ZNF674: variants seen among roughly 807,000 people sequenced by gnomAD.
The protein encoded by ZNF674 is zinc finger protein 674.
A neutral mutation model predicts 7.0 loss-of-function variants in ZNF674; 2 were observed. The observed-to-expected ratio is 0.29, with a 90% CI of 0.12 to 0.90. The LOEUF is 0.90. Among genes scored for constraint, ZNF674 ranks in the 40% least tolerant of loss-of-function variants. ZNF674 has a pLI of 0.57. For missense variants in ZNF674, 297 were observed against 415.5 expected, an observed-to-expected ratio of 0.71 and a Z score of 2.48; for synonymous variants, 103 against 145.2, an observed-to-expected ratio of 0.71 and a Z score of 2.09.
intron 5 of ZNF674, among the ~76,000 whole-genome samples, chrX:46,510,526 C>T (rs189924804): frequency 9.6e-4 from 108 of 112,247 alleles, no homozygotes; most frequent in Middle Eastern, 4.6e-3. Context: ...TGGTGGCTCA[C>T]GCCTGTAATC....
intron 5 of ZNF674, among the ~76,000 whole-genome samples, chrX:46,510,151 AG>A (rs1259087294): frequency 5.0e-5 from 2 of 39,753 alleles, no homozygotes; most frequent in Non-Finnish European, 8.4e-5. Flanking sequence ...GGGTGGGGGG[AG>A]GGGGGAGGGA....
chrX:46,516,981 G>A (rs1452882242), intron 5 of ZNF674, among the ~76,000 whole-genome samples: 5 of 107,904 alleles, frequency 4.6e-5, no homozygotes, highest in Non-Finnish European at 9.6e-5. Context: ...TCCAGCCTGG[G>A]CAACAGAGTG....
chrX:46,501,662 A>ATATGTGTGTGTGTG (rs1556008912), intron 5 of ZNF674, among the ~76,000 whole-genome samples: 1 of 102,349 alleles, frequency 9.8e-6, no homozygotes, highest in African/African-American at 3.5e-5. Context: ...TTGTATATAT[A>ATATGTGTGTGTGTG]TGTGTGTGTG....
rs190767592 is a variant in ZNF674, at chrX:46,500,755, C to T, written c.819G>A (p.Lys273=). The T allele has an allele frequency of 2.5e-6, 3 of 1,200,944 alleles. No homozygotes were observed. Among genetic ancestry groups the T allele is most frequent in the African/African-American group, 3.5e-5 (2 of 56,719 alleles). ...IAHQRTHTGE[K]PYECSECGKT... Reference sequence around the variant, plus strand: ...TTCCACATTCACTGCATTCATAGGGCTTCTCCCCTGTGTGAGTTCTCTGGT... The same window carrying T: ...TTCCACATTCACTGCATTCATAGGGTTTCTCCCCTGTGTGAGTTCTCTGGT... The change falls in exon 6 of 6, where the codon AAG becomes AAA. Residue 273 remains lysine, a synonymous_variant. Coordinates refer to ENST00000683375, the MANE Select transcript of ZNF674 (RefSeq NM_001190417.2).
intron 5 of ZNF674, among the ~76,000 whole-genome samples, chrX:46,526,400 T>C (rs907829724): frequency 1.8e-5 from 2 of 110,841 alleles, no homozygotes; most frequent in Admixed American, 9.7e-5. Context: ...CACCTCAACC[T>C]CCCAAGTAGT....
chrX:46,520,082 G>A (rs191968348), intron 5 of ZNF674, among the ~76,000 whole-genome samples: 2 of 112,083 alleles, frequency 1.8e-5, no homozygotes, highest in African/African-American at 6.5e-5. Flanking sequence ...AAGAGGAGAT[G>A]GGCTGGGAGA....
chrX:46,519,255 T>TAA (rs1198982466), intron 5 of ZNF674, among the ~76,000 whole-genome samples: 985 of 73,064 alleles, frequency 0.013, 3 homozygotes, highest in African/African-American at 0.029. Flanking sequence ...GATAGATAGA[T>TAA]AGATAGATAA....
chrX:46,529,242 C>T, intron 3 of ZNF674: 1 of 262,552 alleles, frequency 3.8e-6, no homozygotes, highest in Non-Finnish European at 6.8e-6. Context: ...GAGTATATGA[C>T]TAAAATCATT....
intron 4 of ZNF674, 124 bp from the exon 5 acceptor site, chrX:46,528,569 C>T (rs763792111): frequency 2.1e-6 from 2 of 941,601 alleles, no homozygotes; most frequent in East Asian, 3.2e-5. Context: ...AGCTATCTGC[C>T]CCTCAGTACA....
intron 5 of ZNF674, chrX:46,525,448 CAAAAA>C (rs57976774): frequency 1.1e-5 from 1 of 92,035 alleles, no homozygotes. Context: ...ACTAAAAATA[CAAAAA>C]AAAAAAAAAA....
chrX:46,534,708 T>A (rs950906091), intron 3 of ZNF674, among the ~76,000 whole-genome samples: 15 of 109,212 alleles, frequency 1.4e-4, no homozygotes, highest in Non-Finnish European at 2.7e-4. Flanking sequence ...GATCAAAGTT[T>A]TTATAATTTT....
Position 46,500,016 on chromosome X carries a change from A to G in ZNF674, c.1558T>C (p.Tyr520His), listed in dbSNP as rs1941384334. Reference protein sequence around the residue: ...HQRIHTGEKPYKCSECGKAFS... With the variant: ...HQRIHTGEKPHKCSECGKAFS... ...GCCTTCCCACATTCACTACATTTGT[A>G]AGGTTTTTCTCCTGTATGAATTCTC... Residue 520 changes from tyrosine to histidine, a missense_variant, in exon 6 of 6, where the codon TAC becomes CAC. Transcript: ENST00000683375. 2 of 1,209,848 alleles carry G rather than the reference A, an allele frequency of 1.7e-6. No homozygotes were observed. Among genetic ancestry groups the G allele is most frequent in the Non-Finnish European group, 2.2e-6 (2 of 894,627 alleles).
intron 3 of ZNF674, among the ~76,000 whole-genome samples, chrX:46,535,598 T>G (rs1942186854): frequency 8.9e-6 from 1 of 111,776 alleles, no homozygotes; most frequent in African/African-American, 3.3e-5. Flanking sequence ...ATAAAATAAA[T>G]ATATAACTTA....
chrX:46,500,997 G>C lies in ZNF674; in HGVS notation c.577C>G (p.Pro193Ala), dbSNP rs764181375. Residue 193 changes from proline to alanine, a missense_variant, in exon 6 of 6, where the codon CCT (proline) becomes GCT (alanine). By Grantham distance (27) the Pro-to-Ala change is conservative. Coordinates refer to ENST00000683375, the MANE Select transcript of ZNF674 (RefSeq NM_001190417.2). ...KAQPAERFFDPNQRGKALHQK... is the reference protein window; with the variant it reads ...KAQPAERFFDANQRGKALHQK... ...TGGAGGGCTTTCCCTCGTTGATTAG[G>C]GTCAAAAAATCTCTCTGCAGGTTGA... 20 of 1,196,581 alleles carry C rather than the reference G, an allele frequency of 1.7e-5. No homozygotes were observed. Among genetic ancestry groups the C allele is most frequent in the Non-Finnish European group, 2.3e-6 (2 of 888,370 alleles).
chrX:46,504,331 G>T (rs1489729737), intron 5 of ZNF674, among the ~76,000 whole-genome samples: 1 of 110,649 alleles, frequency 9.0e-6, no homozygotes, highest in Non-Finnish European at 1.9e-5. Context: ...GCAAGTTGCA[G>T]AAAGATCCCT....
chrX:46,539,205 A>C (rs5952901), intron 3 of ZNF674, among the ~76,000 whole-genome samples: 2,873 of 112,081 alleles, frequency 0.026, 88 homozygotes, highest in African/African-American at 0.087. Context: ...ACAAACAAAA[A>C]ATATGAAAAG....
At chrX:46,511,963 C>G (rs1004586511) in intron 5 of ZNF674, among the ~76,000 whole-genome samples, 4 of 107,101 alleles carry the variant, frequency 3.7e-5, no homozygotes, top group Non-Finnish European at 5.8e-5. Context: ...GTGGAGGCTG[C>G]AATAAGCCAA....
At chrX:46,541,972 C>G (rs1942302176) in intron 3 of ZNF674, 101 bp downstream of exon 3, 4 of 724,046 alleles carry the variant, frequency 5.5e-6, no homozygotes, top group Admixed American at 2.6e-5. Flanking sequence ...CAGAAAACAG[C>G]CAGAGAAGAG....
At chrX:46,541,874 G>A (rs1401545542) in intron 3 of ZNF674, among the ~76,000 whole-genome samples, 199 bp downstream of exon 3, 1 of 112,073 alleles carries the variant, frequency 8.9e-6, no homozygotes, top group African/African-American at 3.2e-5. Context: ...GTTTCTGGAA[G>A]AACAAGTAGA....
Sources: allele counts gnomAD v4.1 joint callset (sites outside exome capture counted in the v4.1 genomes callset), GRCh38; gene constraint gnomAD v4.1.1; transcripts MANE v1.5; gene names NCBI Gene and HGNC (gene_info 2026-07-23, HGNC 2026-07-21).